Variants in CYB5B observed in about 807,000 individuals in gnomAD.
The protein encoded by CYB5B is cytochrome b5 type B (outer mitochondrial membrane).
Under a neutral mutation model 21.3 loss-of-function variants are expected in CYB5B, and 14 were observed. The ratio of observed to expected loss-of-function variants is 0.66; its 90% CI spans 0.43 to 1.03. The LOEUF is 1.03. Ranked by LOEUF, CYB5B falls within the 50% of genes least tolerant of loss-of-function variation. The probability of loss-of-function intolerance (pLI) is 0.00; values close to 1 mark genes in which losing one functional copy is unlikely to be tolerated. For synonymous variants in CYB5B, 69 were observed against 68.4 expected (o/e 1.01, Z -0.04); for missense variants, 166 against 185.1 (o/e 0.90, Z 0.60).
At chr16:69,438,064 C>A (rs897884550) in intron 1 of CYB5B, among the ~76,000 whole-genome samples, 5 of 152,146 alleles carry the variant, frequency 3.3e-5, no homozygotes, top group African/African-American at 1.2e-4. Context: ...AAATAACTCC[C>A]TATTTCCCCC....
chr16:69,447,659 T>G (rs1465906048), intron 2 of CYB5B, among the ~76,000 whole-genome samples: 1 of 99,612 alleles, frequency 1.0e-5, no homozygotes, highest in Non-Finnish European at 2.2e-5. Context: ...AAAAAAAAAA[T>G]TATTAAAATG....
At chr16:69,459,895 G>A (rs17774079) in intron 4 of CYB5B, among the ~76,000 whole-genome samples, 12,304 of 152,110 alleles carry the variant, frequency 0.081, 571 homozygotes, top group South Asian at 0.18. Context: ...TAGGATCAGC[G>A]AAATGCTGCA....
chr16:69,446,934 G>T (rs888035760), intron 1 of CYB5B, among the ~76,000 whole-genome samples: 2 of 152,148 alleles, frequency 1.3e-5, no homozygotes, highest in Non-Finnish European at 2.9e-5. Flanking sequence ...GTTGTCCCAG[G>T]TGTCCTCACT....
intron 1 of CYB5B, among the ~76,000 whole-genome samples, chr16:69,430,995 T>C (rs1002802800): frequency 1.4e-5 from 2 of 143,376 alleles, no homozygotes; most frequent in African/African-American, 5.2e-5. Context: ...TTTATATGTG[T>C]ATTTATTTAT....
intron 3 of CYB5B, among the ~76,000 whole-genome samples, chr16:69,456,204 A>G (rs1053740612): frequency 1.3e-5 from 2 of 152,082 alleles, no homozygotes; most frequent in Non-Finnish European, 2.9e-5. Flanking sequence ...CAGTGGCACA[A>G]TCCTAGCTCA....
chr16:69,431,037 C>T (rs572106996), intron 1 of CYB5B, among the ~76,000 whole-genome samples: 4 of 151,336 alleles, frequency 2.6e-5, no homozygotes, highest in East Asian at 1.9e-4. Flanking sequence ...CTTGTTTTGT[C>T]GCCCAGGCTG....
intron 3 of CYB5B, among the ~76,000 whole-genome samples, chr16:69,451,942 C>CAAA (rs1214465929): frequency 4.6e-5 from 3 of 64,694 alleles, no homozygotes; most frequent in Admixed American, 1.8e-4. Flanking sequence ...GACGCCGTCT[C>CAAA]AAAAAAAAAA....
chr16:69,430,328 G>T (rs1456041524), intron 1 of CYB5B, among the ~76,000 whole-genome samples: 1 of 151,574 alleles, frequency 6.6e-6, no homozygotes, highest in Non-Finnish European at 1.5e-5. Context: ...ACAATCCTCC[G>T]CCTCAGCCTC....
intron 4 of CYB5B, 34 bp from the exon 5 acceptor site, chr16:69,462,396 T>A: frequency 6.6e-7 from 1 of 1,523,154 alleles, no homozygotes. Flanking sequence ...CTTAAAATAT[T>A]AACAACTTTA....
chr16:69,450,107 C>G (rs2014917428), intron 3 of CYB5B: 1 of 151,186 alleles, frequency 6.6e-6, no homozygotes. Context: ...GCAGTCCCAA[C>G]TACTGGGGAG....
chr16:69,447,975 C>A, intron 2 of CYB5B, 140 bp from the exon 3 acceptor site: 1 of 790,834 alleles, frequency 1.3e-6, no homozygotes, highest in Non-Finnish European at 2.0e-6. Flanking sequence ...GTAGAGGTAT[C>A]TTTCTATGGA....
intron 1 of CYB5B, among the ~76,000 whole-genome samples, chr16:69,427,979 G>A (rs1490650919): frequency 1.4e-5 from 2 of 144,278 alleles, no homozygotes; most frequent in Non-Finnish European, 3.0e-5. Flanking sequence ...CTGGGCGACA[G>A]TCAGACTCTG....
At position 69,464,820 on chromosome 16, in the gene CYB5B, C is replaced by T. The variant is rs947996442; in HGVS notation, c.*2300C>T. 4 of 152,590 alleles carry T rather than the reference C, an allele frequency of 2.6e-5. No individual in the cohort carries two copies. Among genetic ancestry groups the T allele is most frequent in the Non-Finnish European group, 5.9e-5 (4 of 68,022 alleles). 9.5% of individuals were successfully genotyped at this position (152,590 alleles called of 1,614,324 possible). A position where few individuals can be genotyped will look rare whatever the true frequency, so the allele number is the denominator to read the frequency against. Reference sequence around the variant, plus strand: ...AGGAAAAGATAATTAGACTTTGTCTCTTCCACCCATGAAATCCCCCAGTAC... The same window carrying T: ...AGGAAAAGATAATTAGACTTTGTCTTTTCCACCCATGAAATCCCCCAGTAC... On this transcript the variant is annotated 3_prime_UTR_variant, in exon 5 of 5. Transcript: ENST00000307892.
intron 1 of CYB5B, among the ~76,000 whole-genome samples, chr16:69,441,130 T>C (rs1364335641): frequency 6.6e-6 from 1 of 151,860 alleles, no homozygotes; most frequent in African/African-American, 2.4e-5. Context: ...GATATTATTC[T>C]GATTTCCCAG....
intron 3 of CYB5B, among the ~76,000 whole-genome samples, chr16:69,456,181 C>T (rs2014982551): frequency 6.6e-6 from 1 of 152,072 alleles, no homozygotes; most frequent in Non-Finnish European, 1.5e-5. Flanking sequence ...GATCTGTCCT[C>T]CAGGCTGGAG....
At chr16:69,461,036 G>A (rs1428443856) in intron 4 of CYB5B, among the ~76,000 whole-genome samples, 1 of 152,058 alleles carries the variant, frequency 6.6e-6, no homozygotes, top group Non-Finnish European at 1.5e-5. Context: ...TTTTCTGGCC[G>A]GCGTGGTGGC....
At chr16:69,439,812 C>G (rs1370343029) in intron 1 of CYB5B, among the ~76,000 whole-genome samples, 1 of 152,112 alleles carries the variant, frequency 6.6e-6, no homozygotes, top group Non-Finnish European at 1.5e-5. Context: ...AGTGATCCAC[C>G]TGCCTCAGCC....
intron 3 of CYB5B, 85 bp from the exon 4 acceptor site, chr16:69,459,008 C>G: frequency 7.7e-7 from 1 of 1,306,006 alleles, no homozygotes; most frequent in East Asian, 2.5e-5. Flanking sequence ...GTTGACATAG[C>G]TTGATCAAGA....
In CYB5B at chr16:69,452,179, C is replaced by T. The variant is rs533628885; in HGVS notation, c.333+4035C>T. 1.4e-4 allele frequency among the ~76,000 whole-genome samples: 21 copies of T among 150,636 alleles called. No homozygotes were observed. The South Asian group carries it at 4.0e-3, about 29-fold the overall frequency. On this transcript the variant is annotated intron_variant, in intron 3 of 4. Coordinates refer to ENST00000307892, the MANE Select transcript of CYB5B (RefSeq NM_030579.3). ...CCTGTAATCCCAGCATTTGGGGAGG[C>T]CCAAAATTTGAGTAGTCCCAGGTAC...
Sources: allele counts gnomAD v4.1 joint callset (sites outside exome capture counted in the v4.1 genomes callset), GRCh38; gene constraint gnomAD v4.1.1; transcripts MANE v1.5; gene names NCBI Gene and HGNC (gene_info 2026-07-23, HGNC 2026-07-21).